SLC1A3: variants seen among roughly 807,000 people sequenced by gnomAD.
SLC1A3 encodes excitatory amino acid transporter 1.
Under a neutral mutation model 48.1 loss-of-function variants are expected in SLC1A3, and 21 were observed. That is an observed-to-expected ratio of 0.44 (90% confidence interval 0.31 to 0.63). The LOEUF (loss-of-function observed/expected upper bound fraction) is 0.63, where lower values mean the gene tolerates loss of function less well. Ranked by LOEUF, SLC1A3 falls within the 20% of genes least tolerant of loss-of-function variation. The pLI is 0.08. For synonymous variants in SLC1A3, 239 were observed against 251.4 expected (o/e 0.95, Z 0.47); for missense variants, 546 against 689.0 (o/e 0.79, Z 2.32).
upstream of SLC1A3, among the ~76,000 whole-genome samples, chr5:36,602,195 T>TA (rs61562074): frequency 0.25 from 38,424 of 151,898 alleles, 7,001 homozygotes; most frequent in African/African-American, 0.51. Context: ...TATCTGTCTT[T>TA]AAAAAAACTC....
chr5:36,682,423 A>G (rs1742475948), intron 8 of SLC1A3, among the ~76,000 whole-genome samples: 1 of 152,208 alleles, frequency 6.6e-6, no homozygotes, highest in African/African-American at 2.4e-5. Flanking sequence ...TGGGAACCTC[A>G]GGCCCAAAGT....
chr5:36,613,413 T>G (rs1443609291), intron 2 of SLC1A3: 2 of 152,498 alleles, frequency 1.3e-5, no homozygotes, highest in Admixed American at 6.5e-5. Flanking sequence ...TGGACGTAAC[T>G]GACCAAGCCA....
chr5:36,603,366 C>G (rs1738829980), upstream of SLC1A3, among the ~76,000 whole-genome samples: 1 of 152,238 alleles, frequency 6.6e-6, no homozygotes, highest in African/African-American at 2.4e-5. Flanking sequence ...CTGTTGGGCC[C>G]TGTCCTGGCC....
intron 3 of SLC1A3, among the ~76,000 whole-genome samples, chr5:36,649,960 C>A (rs553371398): frequency 6.6e-6 from 1 of 152,296 alleles, no homozygotes; most frequent in Admixed American, 6.5e-5. Context: ...AATTATAATA[C>A]GTTCCATCAT....
chr5:36,645,756 G>A (rs1740816677), intron 3 of SLC1A3, among the ~76,000 whole-genome samples: 1 of 152,162 alleles, frequency 6.6e-6, no homozygotes, highest in Non-Finnish European at 1.5e-5. Context: ...AAAATCAGTT[G>A]CACATTTGTA....
intron 6 of SLC1A3, 76 bp from the exon 7 acceptor site, chr5:36,679,551 C>G: frequency 9.5e-7 from 1 of 1,055,776 alleles, no homozygotes; most frequent in Non-Finnish European, 1.5e-6. Context: ...TTCCCTTTTT[C>G]TTATCACTTG....
intron 2 of SLC1A3, among the ~76,000 whole-genome samples, chr5:36,617,738 C>T (rs995621673): frequency 2.0e-5 from 3 of 151,954 alleles, no homozygotes; most frequent in Non-Finnish European, 4.4e-5. Flanking sequence ...GTAGAAAGGC[C>T]CCTCATTCTT....
intron 2 of SLC1A3, among the ~76,000 whole-genome samples, chr5:36,623,429 C>T (rs560695851): frequency 4.4e-4 from 67 of 152,180 alleles, no homozygotes; most frequent in African/African-American, 1.1e-3. Flanking sequence ...ATAAAGGATT[C>T]GTTCTTTTGC....
intron 3 of SLC1A3, among the ~76,000 whole-genome samples, chr5:36,638,064 A>G (rs1185297140): frequency 1.3e-5 from 2 of 152,052 alleles, no homozygotes; most frequent in East Asian, 3.9e-4. Context: ...TACCTTTATT[A>G]GTTCAGATAC....
chr5:36,619,842 A>G (rs1007204280), intron 2 of SLC1A3, among the ~76,000 whole-genome samples: 16 of 152,234 alleles, frequency 1.1e-4, no homozygotes, highest in Non-Finnish European at 1.8e-4. Context: ...AAATGCTCTC[A>G]TATGCATTAT....
intron 5 of SLC1A3, among the ~76,000 whole-genome samples, chr5:36,675,629 T>C (rs1215657304): frequency 1.3e-5 from 2 of 152,170 alleles, no homozygotes; most frequent in African/African-American, 2.4e-5. Context: ...CTGATCAGGA[T>C]TGAAAATCTG....
intron 3 of SLC1A3, chr5:36,636,423 C>A (rs1434191571): frequency 1.3e-5 from 2 of 151,810 alleles, no homozygotes; most frequent in African/African-American, 4.8e-5. Context: ...ACTCTATTAG[C>A]AGAGAAGAAG....
chr5:36,639,755 G>A (rs560193662), intron 3 of SLC1A3, among the ~76,000 whole-genome samples: 13 of 152,234 alleles, frequency 8.5e-5, no homozygotes, highest in African/African-American at 2.4e-4. Context: ...TACTCGGGTG[G>A]TGCATGAATG....
At chr5:36,632,479 C>G (rs1017285473) in intron 3 of SLC1A3, among the ~76,000 whole-genome samples, 2 of 152,152 alleles carry the variant, frequency 1.3e-5, no homozygotes, top group Non-Finnish European at 2.9e-5. Flanking sequence ...AAACAAATTG[C>G]TATTGGAAAG....
intron 2 of SLC1A3, among the ~76,000 whole-genome samples, chr5:36,627,278 CA>C (rs765486263): frequency 1.3e-5 from 2 of 151,786 alleles, no homozygotes; most frequent in Non-Finnish European, 2.9e-5. Flanking sequence ...CAAAATAAAA[CA>C]AAGTATATAA....
intron 1 of SLC1A3, among the ~76,000 whole-genome samples, chr5:36,600,463 C>T (rs1343420073): frequency 3.9e-5 from 6 of 152,176 alleles, no homozygotes; most frequent in Non-Finnish European, 8.8e-5. Flanking sequence ...ATCCTGATTT[C>T]ACCTGTTGAT....
At chr5:36,643,377 G>A (rs1045529253) in intron 3 of SLC1A3, among the ~76,000 whole-genome samples, 6 of 152,100 alleles carry the variant, frequency 3.9e-5, no homozygotes, top group Admixed American at 1.3e-4. Context: ...ATTAAATGCT[G>A]TCTCACTGTG....
chr5:36,663,961 A>G (rs1741627384), intron 3 of SLC1A3, among the ~76,000 whole-genome samples: 1 of 152,216 alleles, frequency 6.6e-6, no homozygotes, highest in African/African-American at 2.4e-5. Flanking sequence ...TACAATGTCC[A>G]TAAAATTTCT....
chr5:36,676,554 A>G (rs946241571), intron 5 of SLC1A3, among the ~76,000 whole-genome samples: 1 of 152,234 alleles, frequency 6.6e-6, no homozygotes, highest in African/African-American at 2.4e-5. Flanking sequence ...TTAGGGTTTC[A>G]GAAGAAAGCA....
Sources: allele counts gnomAD v4.1 joint callset (sites outside exome capture counted in the v4.1 genomes callset), GRCh38; gene constraint gnomAD v4.1.1; transcripts MANE v1.5; gene names NCBI Gene and HGNC (gene_info 2026-07-23, HGNC 2026-07-21).